Variants in ZMYM5 observed in about 807,000 individuals in gnomAD.
ZMYM5 encodes zinc finger MYM-type containing 5.
In ZMYM5, 41 loss-of-function variants were observed where a neutral mutation model predicts 61.8. That is an observed-to-expected ratio of 0.66 (90% confidence interval 0.52 to 0.86). ZMYM5 has a LOEUF of 0.86. Ranked by LOEUF, ZMYM5 falls within the 40% of genes least tolerant of loss-of-function variation. The probability of loss-of-function intolerance (pLI) is 0.00; values close to 1 mark genes in which losing one functional copy is unlikely to be tolerated. For missense variants in ZMYM5, 706 were observed against 786.7 expected, an observed-to-expected ratio of 0.90 and a Z score of 1.23; for synonymous variants, 257 against 276.4, an observed-to-expected ratio of 0.93 and a Z score of 0.70.
chr13:19,848,333 T>A (rs1040189073), intron 4 of ZMYM5, among the ~76,000 whole-genome samples: 1 of 151,948 alleles, frequency 6.6e-6, no homozygotes, highest in Non-Finnish European at 1.5e-5. Flanking sequence ...CAGGATGGAG[T>A]GTAGTGTTGT....
chr13:19,861,002 G>A (rs1427646134), intron 2 of ZMYM5, among the ~76,000 whole-genome samples: 2 of 146,020 alleles, frequency 1.4e-5, no homozygotes, highest in African/African-American at 5.1e-5. Context: ...TTTTTCTTAA[G>A]ACAGGGTATG....
chr13:19,834,800 T>C (rs1952624320), intron 7 of ZMYM5, among the ~76,000 whole-genome samples: 1 of 152,068 alleles, frequency 6.6e-6, no homozygotes, highest in African/African-American at 2.4e-5. Context: ...GTGATTCCTA[T>C]GCCTCAGCTT....
In ZMYM5 at chr13:19,838,960, T is replaced by TG. The variant is rs751916712; in HGVS notation, c.611dup (p.Phe205IlefsTer4). 6.2e-7 allele frequency: 1 copy of TG among 1,612,690 alleles called. No homozygotes were observed. The highest frequency in any genetic ancestry group is 8.5e-7 in the Non-Finnish European group (1 of 1,179,118). On this transcript the variant is annotated frameshift_variant, in exon 5 of 8. Coordinates refer to ENST00000337963, the MANE Select transcript of ZMYM5 (RefSeq NM_001142684.2). LOFTEE classifies it high-confidence loss of function. ...CTGGCTGTTTCTGATTACTGGGAAA[T>TG]GAAGCTGACTGGGAGATCCAAGAAT...
intron 7 of ZMYM5, 135 bp downstream of exon 7, chr13:19,835,342 T>A (rs944490089): frequency 1.6e-6 from 1 of 622,348 alleles, no homozygotes; most frequent in African/African-American, 1.9e-5. Flanking sequence ...GACTTGAATA[T>A]TTGAGATGGG....
intron 4 of ZMYM5, among the ~76,000 whole-genome samples, chr13:19,850,284 G>A (rs947334813): frequency 3.4e-4 from 52 of 152,064 alleles, no homozygotes; most frequent in Admixed American, 5.2e-4. Context: ...AGAATTAAGC[G>A]ACTAATAAAA....
chr13:19,854,830 T>C (rs2138634693), intron 2 of ZMYM5, among the ~76,000 whole-genome samples: 1 of 152,290 alleles, frequency 6.6e-6, no homozygotes, highest in Admixed American at 6.5e-5. Flanking sequence ...TAACTCACCA[T>C]TGCTGAAAAA....
intron 2 of ZMYM5, among the ~76,000 whole-genome samples, chr13:19,859,974 T>C (rs55998546): frequency 6.7e-6 from 1 of 149,252 alleles, no homozygotes; most frequent in Non-Finnish European, 1.5e-5. Flanking sequence ...CGTGGTGGCA[T>C]GTACCTATAG....
intron 4 of ZMYM5, among the ~76,000 whole-genome samples, chr13:19,845,235 T>C (rs969581853): frequency 5.9e-5 from 9 of 152,190 alleles, no homozygotes; most frequent in African/African-American, 2.2e-4. Context: ...TAAGGTTTTA[T>C]AGTCTACTTG....
intron 4 of ZMYM5, among the ~76,000 whole-genome samples, chr13:19,843,931 G>A (rs1486079814): frequency 3.3e-5 from 5 of 151,370 alleles, no homozygotes; most frequent in South Asian, 2.1e-4. Flanking sequence ...TCAGGGGATC[G>A]GACCATCCTG....
intron 3 of ZMYM5, 31 bp from the exon 4 acceptor site, chr13:19,851,479 T>C: frequency 6.2e-7 from 1 of 1,607,674 alleles, no homozygotes; most frequent in Non-Finnish European, 8.5e-7. Context: ...TGTACGTTTG[T>C]ATATTAACAC....
At chr13:19,859,703 G>C (rs923841567) in intron 2 of ZMYM5, among the ~76,000 whole-genome samples, 1 of 151,698 alleles carries the variant, frequency 6.6e-6, no homozygotes, top group Non-Finnish European at 1.5e-5. Flanking sequence ...TACTGTGCCC[G>C]GCCTTTAGTT....
chr13:19,838,989 A>C lies in ZMYM5; in HGVS notation c.587-4T>G, dbSNP rs1200378577. The C allele has an allele frequency of 1.3e-6, 2 of 1,595,044 alleles. No individual in the cohort carries two copies. Among genetic ancestry groups the C allele is most frequent in the Non-Finnish European group, 8.5e-7 (1 of 1,172,480 alleles). On this transcript the variant is annotated splice_polypyrimidine_tract_variant and splice_region_variant and intron_variant, in intron 4 of 7. Transcript: ENST00000337963. ...GCTGACTGGGAGATCCAAGAATCTT[A>C]AAAATGAAACAAGAAAAAAATCATG...
Position 19,838,754 on chromosome 13 carries a change from A to G in ZMYM5, c.818T>C (p.Leu273Pro). ...AGTACGTTTATGAGAGAAGGAAGAAAGGCAGGTGGTAGAGCAAAAGAGGTG... is the reference window on the plus strand; with the variant it reads ...AGTACGTTTATGAGAGAAGGAAGAAGGGCAGGTGGTAGAGCAAAAGAGGTG... ...SAHLFCSTTC[L>P]SSFSHKRTQN... Residue 273 changes from leucine (L) to proline (P), a missense_variant, in exon 5 of 8, where the codon CTT becomes CCT. Physicochemically the swap from Leu to Pro is moderately conservative, Grantham distance 98. Coordinates refer to ENST00000337963, the MANE Select transcript of ZMYM5 (RefSeq NM_001142684.2). 1.2e-6 allele frequency: 2 copies of G among 1,614,210 alleles called. No individual in the cohort carries two copies. The highest frequency in any genetic ancestry group is 1.7e-6 in the Non-Finnish European group (2 of 1,180,036).
At chr13:19,861,020 C>T (rs1393117423) in intron 2 of ZMYM5, among the ~76,000 whole-genome samples, 4 of 150,034 alleles carry the variant, frequency 2.7e-5, no homozygotes, top group Non-Finnish European at 3.0e-5. Flanking sequence ...ATGGCTCTGT[C>T]GCCCAGCCTG....
chr13:19,825,305 C>T (rs1006172319), intron 7 of ZMYM5, 70 bp from the exon 8 acceptor site: 43 of 1,138,868 alleles, frequency 3.8e-5, no homozygotes, highest in Non-Finnish European at 4.7e-5. Context: ...TTCAAATGCT[C>T]AATAAGCACA....
In ZMYM5 at chr13:19,825,225, G is replaced by C; in HGVS notation, c.1262C>G (p.Thr421Arg). The C allele has an allele frequency of 8.0e-7, 1 of 1,256,150 alleles. No individual in the cohort carries two copies. The highest frequency in any genetic ancestry group is 1.0e-6 in the Non-Finnish European group (1 of 974,102). 77.8% of individuals were successfully genotyped at this position (1,256,150 alleles called of 1,614,324 possible). ...TGATGCTGTTAATTTTTTTGATTTT[G>C]TTTCCATCATCTGAGGACAAAGAGG... is the stretch of plus-strand genomic sequence containing the variant. ...CINEYKQMME[T>R]KSKKLTASEN... The change falls in exon 8 of 8, where the codon ACA becomes AGA. Residue 421 changes from threonine to arginine, a missense_variant. By Grantham distance (71) the Thr-to-Arg change is moderately conservative. Coordinates refer to ENST00000337963, the MANE Select transcript of ZMYM5 (RefSeq NM_001142684.2).
At chr13:19,845,309 A>C (rs1051754142) in intron 4 of ZMYM5, among the ~76,000 whole-genome samples, 1 of 152,214 alleles carries the variant, frequency 6.6e-6, no homozygotes, top group African/African-American at 2.4e-5. Context: ...TTTCCATAGT[A>C]ATACCAAGAT....
intron 4 of ZMYM5, 101 bp from the exon 5 acceptor site, chr13:19,839,086 G>C (rs1425157019): frequency 2.3e-5 from 33 of 1,431,868 alleles, no homozygotes; most frequent in Non-Finnish European, 9.4e-7. Flanking sequence ...AAGTGGGGCA[G>C]GCGTATAAAC....
chr13:19,849,696 T>G (rs370705504), intron 4 of ZMYM5, among the ~76,000 whole-genome samples: 1 of 151,928 alleles, frequency 6.6e-6, no homozygotes, highest in Non-Finnish European at 1.5e-5. Flanking sequence ...AGGAAAAAAG[T>G]TGGCCGGGCG....
Sources: allele counts gnomAD v4.1 joint callset (sites outside exome capture counted in the v4.1 genomes callset), GRCh38; gene constraint gnomAD v4.1.1; transcripts MANE v1.5; gene names NCBI Gene and HGNC (gene_info 2026-07-23, HGNC 2026-07-21).